Variants in USP7 observed in about 807,000 individuals in gnomAD.
USP7 encodes ubiquitin specific peptidase 7, also known as ubiquitin C-terminal hydrolase 7.
USP7 carries 9 observed loss-of-function variants against 162.9 expected under a neutral mutation model. That is an observed-to-expected ratio of 0.06 (90% CI 0.03 to 0.10). The LOEUF (loss-of-function observed/expected upper bound fraction) is 0.10. USP7 is among the 10% of genes least tolerant of loss of function. The probability of loss-of-function intolerance (pLI) is 1.00; values close to 1 mark genes in which losing one functional copy is unlikely to be tolerated. For missense variants in USP7, 715 were observed against 1,373.7 expected, an observed-to-expected ratio of 0.52 and a Z score of 7.58; for synonymous variants, 562 against 475.9, an observed-to-expected ratio of 1.18 and a Z score of -2.35.
At chr16:8,949,834 C>T (rs1567245815) in intron 1 of USP7, among the ~76,000 whole-genome samples, 2 of 152,220 alleles carry the variant, frequency 1.3e-5, no homozygotes. Context: ...GCAAGTATGC[C>T]CTAAGCTGAG....
At chr16:8,914,587 C>A (rs572227245) in intron 10 of USP7, among the ~76,000 whole-genome samples, 5 of 152,152 alleles carry the variant, frequency 3.3e-5, no homozygotes, top group South Asian at 2.1e-4. Context: ...TATGACTACT[C>A]CCAGCGTGGA....
chr16:8,925,614 A>G (rs1385140170), intron 2 of USP7, among the ~76,000 whole-genome samples: 1 of 152,200 alleles, frequency 6.6e-6, no homozygotes, highest in Non-Finnish European at 1.5e-5. Flanking sequence ...CACTTGGTTC[A>G]CCTGCTGCCC....
intron 21 of USP7, chr16:8,900,213 C>A: frequency 3.1e-6 from 1 of 326,936 alleles, no homozygotes; most frequent in Non-Finnish European, 5.6e-6. Context: ...AATGAATTAC[C>A]CAAGTAGGTA....
chr16:8,905,455 T>C (rs1337471857), intron 13 of USP7, 124 bp from the exon 14 acceptor site: 2 of 1,210,740 alleles, frequency 1.7e-6, no homozygotes, highest in Non-Finnish European at 2.4e-6. Flanking sequence ...AAAATATCCA[T>C]GTGTGTTCTT....
rs1897808805 is a variant in USP7, at chr16:8,923,368, C to T, written c.230G>A (p.Arg77His). 1.4e-5 allele frequency: 22 copies of T among 1,614,070 alleles called. No homozygotes were observed. The highest frequency in any genetic ancestry group is 1.6e-4 in the Middle Eastern group (1 of 6,084). Residue 77 changes from arginine to histidine, a missense_variant, in exon 3 of 31, where the codon CGC (arginine) becomes CAC (histidine). Physicochemically the swap from Arg to His is conservative, Grantham distance 29. Coordinates refer to ENST00000344836, the MANE Select transcript of USP7 (RefSeq NM_003470.3). The stretch of plus-strand genomic sequence containing the variant: ...GACCGACTCACTCAGTCTGCTGAAG[C>T]GCTCCACAGTGAACTGAAAGGTTGC... ...SEATFQFTVE[R>H]FSRLSESVLS... is the part of the protein sequence containing the mutation.
intron 3 of USP7, among the ~76,000 whole-genome samples, chr16:8,922,142 T>G (rs1231298843): frequency 4.6e-5 from 7 of 152,128 alleles, no homozygotes; most frequent in Non-Finnish European, 1.5e-5. Context: ...GAGGACAACT[T>G]TAACCATCCA....
chr16:8,953,382 C>T (rs1256139725), intron 1 of USP7, among the ~76,000 whole-genome samples: 1 of 152,176 alleles, frequency 6.6e-6, no homozygotes, highest in Admixed American at 6.5e-5. Context: ...TGAAAGCCTA[C>T]ACCAGCCTCT....
chr16:8,938,208 G>T (rs919890614), intron 1 of USP7, among the ~76,000 whole-genome samples: 1 of 151,888 alleles, frequency 6.6e-6, no homozygotes, highest in African/African-American at 2.4e-5. Flanking sequence ...TTTAAATATG[G>T]ATATTCCCAA....
chr16:8,951,659 T>C (rs978961832), intron 1 of USP7, among the ~76,000 whole-genome samples: 1 of 152,226 alleles, frequency 6.6e-6, no homozygotes, highest in Non-Finnish European at 1.5e-5. Context: ...TCTAGAGACC[T>C]GGGTATGCTG....
chr16:8,913,401 T>C (rs375813653), intron 10 of USP7, among the ~76,000 whole-genome samples: 3 of 151,652 alleles, frequency 2.0e-5, no homozygotes, highest in South Asian at 2.1e-4. Flanking sequence ...AGAAGTGAAG[T>C]GAAGCGAAGC....
chr16:8,899,361 T>C (rs1310563967), intron 22 of USP7, 173 bp from the exon 23 acceptor site: 1 of 742,372 alleles, frequency 1.3e-6, no homozygotes, highest in Non-Finnish European at 2.2e-6. Context: ...GGGAGTAGCA[T>C]ATCTGATGAA....
intron 1 of USP7, among the ~76,000 whole-genome samples, chr16:8,931,717 G>A (rs951431252): frequency 6.6e-6 from 1 of 152,144 alleles, no homozygotes; most frequent in African/African-American, 2.4e-5. Flanking sequence ...TAATTTTAAA[G>A]CATAAATTTC....
At position 8,917,627 on chromosome 16, in the gene USP7, C is replaced by A. The variant is rs1897447009; in HGVS notation, c.721-471G>T. ...CTCCTGACCTCAGGGGATCTGCCCACCTTGGCCTCCCAAAGTGCTGGGATT... is the reference window on the plus strand; with the variant it reads ...CTCCTGACCTCAGGGGATCTGCCCAACTTGGCCTCCCAAAGTGCTGGGATT... On this transcript the variant is annotated intron_variant, in intron 6 of 30. Transcript: ENST00000344836. Among the ~76,000 whole-genome samples the A allele has an allele frequency of 2.0e-5, 3 of 152,210 alleles. No individual in the cohort carries two copies. In the South Asian group the frequency reaches 6.2e-4, roughly 32 times the overall value.
At chr16:8,909,704 G>A (rs1333537734) in intron 11 of USP7, among the ~76,000 whole-genome samples, 3 of 152,194 alleles carry the variant, frequency 2.0e-5, no homozygotes, top group African/African-American at 7.2e-5. Flanking sequence ...GAGGCAGGCG[G>A]ATCACAAGGT....
At chr16:8,939,695 A>G (rs1898943591) in intron 1 of USP7, among the ~76,000 whole-genome samples, 1 of 152,232 alleles carries the variant, frequency 6.6e-6, no homozygotes, top group East Asian at 1.9e-4. Context: ...TATCATGTAC[A>G]TTGCTCGTGC....
chr16:8,905,751 TC>T (rs1420233828), intron 13 of USP7, among the ~76,000 whole-genome samples: 15 of 152,220 alleles, frequency 9.9e-5, no homozygotes, highest in African/African-American at 3.6e-4. Flanking sequence ...TTTTATCCTA[TC>T]CCATGGCATT....
At chr16:8,916,985 A>AAAC (rs140589701) in intron 7 of USP7, 41 bp downstream of exon 7, 1 of 1,514,164 alleles carries the variant, frequency 6.6e-7, no homozygotes, top group Non-Finnish European at 8.8e-7. Flanking sequence ...AAAAAAAAAA[A>AAAC]AGAGGAAGCA....
intron 14 of USP7, among the ~76,000 whole-genome samples, 173 bp downstream of exon 14, chr16:8,905,014 A>G (rs116926411): frequency 6.6e-6 from 1 of 152,158 alleles, no homozygotes; most frequent in Non-Finnish European, 1.5e-5. Context: ...ATTACTTGGT[A>G]CCATAAGTCT....
chr16:8,904,640 T>C, intron 14 of USP7, 75 bp from the exon 15 acceptor site: 1 of 1,565,766 alleles, frequency 6.4e-7, no homozygotes, highest in Non-Finnish European at 8.6e-7. Flanking sequence ...TTCTAGGTCA[T>C]CATTAATAAA....
Sources: allele counts gnomAD v4.1 joint callset (sites outside exome capture counted in the v4.1 genomes callset), GRCh38; gene constraint gnomAD v4.1.1; transcripts MANE v1.5; gene names NCBI Gene and HGNC (gene_info 2026-07-23, HGNC 2026-07-21).